The following HIVEP3 variants were observed in gnomAD, a reference collection of about 807,000 sequenced individuals.
HIVEP3 encodes transcription factor HIVEP3.
A neutral mutation model predicts 152.8 loss-of-function variants in HIVEP3; 49 were observed. The observed-to-expected ratio is 0.32, with a 90% confidence interval of 0.26 to 0.41. The LOEUF (loss-of-function observed/expected upper bound fraction) is 0.41, where lower values mean the gene tolerates loss of function less well. HIVEP3 is among the 10% of genes least tolerant of loss of function. The probability of loss-of-function intolerance (pLI) is 1.00; values close to 1 mark genes in which losing one functional copy is unlikely to be tolerated. For missense variants in HIVEP3, 2,790 were observed against 3,103.3 expected (o/e 0.90, Z 2.40); for synonymous variants, 1,269 against 1,289.0 (o/e 0.98, Z 0.33).
intron 1 of HIVEP3, among the ~76,000 whole-genome samples, chr1:41,904,609 C>T (rs866141692): frequency 1.3e-5 from 2 of 152,106 alleles, no homozygotes; most frequent in African/African-American, 4.8e-5. Context: ...ACTCTAGAAA[C>T]ACCTCCCACA....
intron 1 of HIVEP3, among the ~76,000 whole-genome samples, chr1:41,734,449 C>T (rs533544106): frequency 1.3e-5 from 2 of 152,372 alleles, no homozygotes; most frequent in Admixed American, 1.3e-4. Flanking sequence ...CACCCCCTCC[C>T]ATGCCCAGGG....
At chr1:41,881,156 A>G (rs1450850704) in intron 1 of HIVEP3, among the ~76,000 whole-genome samples, 1 of 152,202 alleles carries the variant, frequency 6.6e-6, no homozygotes, top group Non-Finnish European at 1.5e-5. Context: ...AGATTAGACA[A>G]TAGCAACAAT....
intron 3 of HIVEP3, among the ~76,000 whole-genome samples, chr1:41,599,648 A>G (rs550624885): frequency 6.6e-6 from 1 of 152,352 alleles, no homozygotes; most frequent in African/African-American, 2.4e-5. Context: ...CATAAGGAAG[A>G]AGCTTCATCA....
At chr1:41,985,163 G>C (rs909198565) in intron 1 of HIVEP3, among the ~76,000 whole-genome samples, 4 of 152,144 alleles carry the variant, frequency 2.6e-5, no homozygotes, top group Admixed American at 2.6e-4. Flanking sequence ...TTACGGGCAC[G>C]TGAACTATGC....
chr1:41,962,545 G>C (rs1009430588), intron 1 of HIVEP3, among the ~76,000 whole-genome samples: 1 of 152,206 alleles, frequency 6.6e-6, no homozygotes, highest in Non-Finnish European at 1.5e-5. Context: ...ACTAGACATT[G>C]AGTGTATGAA....
intron 3 of HIVEP3, among the ~76,000 whole-genome samples, chr1:41,619,162 C>A (rs1280622172): frequency 6.6e-6 from 1 of 152,164 alleles, no homozygotes; most frequent in Non-Finnish European, 1.5e-5. Flanking sequence ...TCCAGCCACA[C>A]CAGCTTCCTT....
Position 41,511,561 on chromosome 1 carries a change from G to A in HIVEP3, c.6406-295C>T, listed in dbSNP as rs939084537. 4.6e-5 allele frequency among the ~76,000 whole-genome samples: 7 copies of A among 152,148 alleles called. No homozygotes were observed. The highest frequency in any genetic ancestry group is 1.9e-4 in the East Asian group (1 of 5,184). On this transcript the variant is annotated intron_variant, in intron 8 of 8. Coordinates refer to ENST00000372583, the MANE Select transcript of HIVEP3 (RefSeq NM_024503.5). The surrounding 1 kb of genome is among the most constrained non-coding windows in gnomAD (Gnocchi z 4.9). Reference sequence around the variant, plus strand: ...TCAAAGGAGGGGATACTTGAGCGACGTGGGGCCCTGTTGTCACCCATGAGC... The same window carrying A: ...TCAAAGGAGGGGATACTTGAGCGACATGGGGCCCTGTTGTCACCCATGAGC...
chr1:41,575,398 T>C (rs1189467734), intron 5 of HIVEP3, 146 bp downstream of exon 5: 1 of 757,850 alleles, frequency 1.3e-6, no homozygotes, highest in Non-Finnish European at 2.2e-6. Flanking sequence ...CCCAGGAAGG[T>C]GATGTCTGCT....
chr1:41,905,538 T>C (rs1644696373), intron 1 of HIVEP3, among the ~76,000 whole-genome samples: 1 of 152,242 alleles, frequency 6.6e-6, no homozygotes, highest in African/African-American at 2.4e-5. Flanking sequence ...TCTATGTATC[T>C]GATTTCACAA....
chr1:42,023,502 T>C (rs1645565800), intron 1 of HIVEP3, among the ~76,000 whole-genome samples: 1 of 152,172 alleles, frequency 6.6e-6, no homozygotes, highest in African/African-American at 2.4e-5. Flanking sequence ...TAATCCCCAG[T>C]GTTGGAGGTG....
intron 1 of HIVEP3, among the ~76,000 whole-genome samples, chr1:41,876,160 G>A (rs2124420329): frequency 6.6e-6 from 1 of 151,840 alleles, no homozygotes; most frequent in South Asian, 2.1e-4. Context: ...AGAATAAGGG[G>A]TATTCATCAA....
chr1:41,971,245 A>C (rs1423909036), intron 1 of HIVEP3, among the ~76,000 whole-genome samples: 2 of 152,196 alleles, frequency 1.3e-5, no homozygotes, highest in African/African-American at 4.8e-5. Context: ...TGGCATCTAT[A>C]AAAATGTATA....
chr1:41,630,446 A>G (rs968530031), intron 2 of HIVEP3, among the ~76,000 whole-genome samples: 2 of 152,212 alleles, frequency 1.3e-5, no homozygotes, highest in African/African-American at 4.8e-5. Context: ...TTTAAAAAGC[A>G]GAGTTTTCTC....
intron 1 of HIVEP3, among the ~76,000 whole-genome samples, chr1:41,759,366 A>G (rs1181124209): frequency 6.6e-6 from 1 of 151,944 alleles, no homozygotes; most frequent in Non-Finnish European, 1.5e-5. Context: ...ATCCATTTTT[A>G]TGGCTGAATA....
intron 1 of HIVEP3, among the ~76,000 whole-genome samples, chr1:41,824,778 TATATATAGAGAGAG>T (rs1642731126): frequency 7.8e-5 from 1 of 12,756 alleles, no homozygotes; most frequent in African/African-American, 2.5e-4. Flanking sequence ...TATATATATA[TATATATAGAGAGAG>T]AGAGAGAGAG....
chr1:41,688,196 C>T (rs889197754), intron 2 of HIVEP3, among the ~76,000 whole-genome samples: 1 of 152,198 alleles, frequency 6.6e-6, no homozygotes, highest in Non-Finnish European at 1.5e-5. Flanking sequence ...CAGTTCCTCT[C>T]GTCTGACCCC....
chr1:41,930,290 A>T (rs1360173909), intron 1 of HIVEP3, among the ~76,000 whole-genome samples: 1 of 151,996 alleles, frequency 6.6e-6, no homozygotes, highest in East Asian at 1.9e-4. Context: ...CTTGCAGTCA[A>T]CTCCAACCCA....
At chr1:41,916,996 C>G (rs1472308360) in intron 1 of HIVEP3, among the ~76,000 whole-genome samples, 1 of 152,182 alleles carries the variant, frequency 6.6e-6, no homozygotes, top group African/African-American at 2.4e-5. Flanking sequence ...AACACTGACC[C>G]AGAGCTAATA....
chr1:41,691,424 A>G (rs1424236457), intron 2 of HIVEP3, among the ~76,000 whole-genome samples: 1 of 152,218 alleles, frequency 6.6e-6, no homozygotes, highest in South Asian at 2.1e-4. Flanking sequence ...TCCAAAATTC[A>G]TATGTTGAAA....
Sources: gnomAD v4.1 joint callset for allele counts (sites outside exome capture counted in the v4.1 genomes callset) on GRCh38, gnomAD v4.1.1 for gene constraint, Gnocchi (gnomAD v3.1) non-coding constraint, MANE v1.5 for transcripts, NCBI Gene and HGNC (gene_info 2026-07-23, HGNC 2026-07-21) for gene names.